Variants in LMO7 observed in about 807,000 individuals in gnomAD.
LMO7 encodes LIM domain only protein 7.
Under a neutral mutation model 206.5 loss-of-function variants are expected in LMO7, and 120 were observed. That is an observed-to-expected ratio of 0.58 (90% CI 0.50 to 0.68). The LOEUF is 0.68. Among genes scored for constraint, LMO7 ranks in the 30% least tolerant of loss-of-function variants. LMO7 has a pLI of 0.00. For synonymous variants in LMO7, 706 were observed against 681.5 expected, an observed-to-expected ratio of 1.04 and a Z score of -0.56; for missense variants, 1,959 against 1,957.9, an observed-to-expected ratio of 1.00 and a Z score of -0.01.
rs756173243 is a variant in LMO7 at position 75,823,819 on chromosome 13, G to A, written c.2895G>A (p.Met965Ile). The change falls in exon 15 of 31, where the codon ATG becomes ATA. Residue 965 changes from methionine to isoleucine, a missense_variant. Met to Ile is a conservative substitution (Grantham distance 10). Coordinates refer to ENST00000377534, the MANE Select transcript of LMO7 (RefSeq NM_001306080.2). ...TLSSTSGLDL[M>I]SESGEGEISP... is the part of the protein sequence containing the mutation. Reference sequence around the variant, plus strand: ...CTTCCACATCTGGTCTTGATTTAATGTCTGAATCTGGAGAAGGGGAAATCT... The same window carrying A: ...CTTCCACATCTGGTCTTGATTTAATATCTGAATCTGGAGAAGGGGAAATCT... 2.5e-6 allele frequency: 4 copies of A among 1,613,966 alleles called. No individual in the cohort carries two copies. Among genetic ancestry groups the A allele is most frequent in the Admixed American group, 3.3e-5 (2 of 60,002 alleles).
intron 30 of LMO7, 91 bp downstream of exon 30, chr13:75,856,699 C>A: frequency 1.3e-6 from 1 of 762,844 alleles, no homozygotes; most frequent in Admixed American, 1.8e-5. Context: ...GAGCTCCCCT[C>A]CAAGTTCACT....
At position 75,849,298 on chromosome 13, in the gene LMO7, A is replaced by G; in HGVS notation, c.4364+6A>G. The stretch of plus-strand genomic sequence containing the variant: ...CTTCCTGGGATCATGAGAAGGTGCG[A>G]GACATCTTAGGAATTGGTTTCTTGT... On this transcript the variant is annotated splice_donor_region_variant and intron_variant, in intron 27 of 30. Coordinates refer to ENST00000377534, the MANE Select transcript of LMO7 (RefSeq NM_001306080.2). 9.9e-6 allele frequency: 16 copies of G among 1,608,056 alleles called. No homozygotes were observed. The highest frequency in any genetic ancestry group is 1.4e-5 in the Non-Finnish European group (16 of 1,174,520).
upstream of LMO7, chr13:75,635,912 C>T (rs890091389): frequency 6.6e-6 from 1 of 152,290 alleles, no homozygotes; most frequent in Non-Finnish European, 1.5e-5. Flanking sequence ...GGGCCGCGCT[C>T]CCCAGCGGGG....
Position 75,807,946 on chromosome 13 carries a change from G to A in LMO7, c.1663G>A (p.Ala555Thr). 6.2e-7 allele frequency: 1 copy of A among 1,613,902 alleles called. No individual in the cohort carries two copies. Among genetic ancestry groups the A allele is most frequent in the Non-Finnish European group, 8.5e-7 (1 of 1,179,868 alleles). The change falls in exon 10 of 31, where the codon GCA becomes ACA. Residue 555 changes from alanine to threonine, a missense_variant. Physicochemically the swap from Ala to Thr is moderately conservative, Grantham distance 58. Coordinates refer to ENST00000377534, the MANE Select transcript of LMO7 (RefSeq NM_001306080.2). Reference protein sequence around the residue: ...EPWTLPPEIQAKFLCVLERTC... With the variant: ...EPWTLPPEIQTKFLCVLERTC... ...CTGGACTCTTCCTCCAGAAATTCAA[G>A]CAAAATTTCTCTGTGTACTTGAAAG... is the stretch of plus-strand genomic sequence containing the variant.
chr13:75,687,913 G>A (rs753034225), intron 1 of LMO7, among the ~76,000 whole-genome samples: 4 of 152,166 alleles, frequency 2.6e-5, no homozygotes, highest in Non-Finnish European at 5.9e-5. Flanking sequence ...ACGTGTTGTA[G>A]GAGGGACCTG....
intron 10 of LMO7, among the ~76,000 whole-genome samples, chr13:75,808,708 G>A (rs1470107929): frequency 5.3e-5 from 8 of 152,144 alleles, no homozygotes; most frequent in African/African-American, 1.7e-4. Flanking sequence ...CAGAGTAAAC[G>A]TTGATGTTAA....
At chr13:75,855,404 G>A in intron 29 of LMO7, 36 bp downstream of exon 29, 1 of 1,422,172 alleles carries the variant, frequency 7.0e-7, no homozygotes, top group Non-Finnish European at 9.9e-7. Context: ...GGCCTGCAAA[G>A]CTTTGCTTGG....
chr13:75,857,969 T>C lies in LMO7; in HGVS notation c.*26T>C, dbSNP rs370679657. 1 of 1,610,394 alleles carries C rather than the reference T, an allele frequency of 6.2e-7. No homozygotes were observed. Among genetic ancestry groups the C allele is most frequent in the Non-Finnish European group, 8.5e-7 (1 of 1,178,082 alleles). ...TGTAAGCCTCCATACGAAAGCACTGTTGCAGATAGAAGAAGAGGTGGTTGC... is the reference window on the plus strand; with the variant it reads ...TGTAAGCCTCCATACGAAAGCACTGCTGCAGATAGAAGAAGAGGTGGTTGC... On this transcript the variant is annotated 3_prime_UTR_variant, in exon 31 of 31. Coordinates refer to ENST00000377534, the MANE Select transcript of LMO7 (RefSeq NM_001306080.2).
chr13:75,722,223 C>T lies in LMO7; in HGVS notation c.141-4806C>T, dbSNP rs530817314. Among the ~76,000 whole-genome samples the T allele has an allele frequency of 3.9e-5, 6 of 152,284 alleles. No homozygotes were observed. The South Asian group carries it at 1.2e-3, about 32-fold the overall frequency. Reference sequence around the variant, plus strand: ...GATGGGACTTAATTAAATTAAAAAACTTCTGCACAGCAAAAGAAATAATCA... The same window carrying T: ...GATGGGACTTAATTAAATTAAAAAATTTCTGCACAGCAAAAGAAATAATCA... On this transcript the variant is annotated intron_variant, in intron 2 of 30. Coordinates refer to ENST00000377534, the MANE Select transcript of LMO7 (RefSeq NM_001306080.2).
At chr13:75,738,949 T>C (rs985439322) in intron 3 of LMO7, among the ~76,000 whole-genome samples, 9 of 152,230 alleles carry the variant, frequency 5.9e-5, no homozygotes, top group African/African-American at 2.2e-4. Flanking sequence ...GTTGACACTT[T>C]GGCCAGATAA....
intron 3 of LMO7, among the ~76,000 whole-genome samples, chr13:75,733,801 T>C (rs1409823019): frequency 6.6e-6 from 1 of 152,216 alleles, no homozygotes; most frequent in Non-Finnish European, 1.5e-5. Flanking sequence ...TAATTGCTTG[T>C]TTGTTTTGAT....
chr13:75,701,471 T>C (rs576612375), intron 1 of LMO7, among the ~76,000 whole-genome samples: 121 of 152,296 alleles, frequency 7.9e-4, no homozygotes, highest in African/African-American at 2.8e-3. Context: ...GGTAAGTAGG[T>C]AATTGTTGAG....
chr13:75,695,869 A>G (rs1356950219), intron 1 of LMO7, among the ~76,000 whole-genome samples: 1 of 152,234 alleles, frequency 6.6e-6, no homozygotes, highest in Non-Finnish European at 1.5e-5. Flanking sequence ...ACCAACTATT[A>G]CTTGATGATG....
intron 3 of LMO7, chr13:75,760,690 A>G (rs1423936479): frequency 1.3e-6 from 2 of 1,522,022 alleles, no homozygotes; most frequent in Non-Finnish European, 1.8e-6. Flanking sequence ...GCCAGTCACA[A>G]AGATCACAGA....
upstream of LMO7, among the ~76,000 whole-genome samples, chr13:75,633,263 C>T (rs999239499): frequency 1.3e-5 from 2 of 152,130 alleles, no homozygotes; most frequent in African/African-American, 4.8e-5. Context: ...AGAGTGCAGC[C>T]AAGAGGCAAA....
At chr13:75,717,668 C>T (rs983393352) in intron 2 of LMO7, among the ~76,000 whole-genome samples, 7 of 152,068 alleles carry the variant, frequency 4.6e-5, no homozygotes, top group African/African-American at 1.7e-4. Flanking sequence ...AGATAGAGAA[C>T]TTTGTCACTT....
chr13:75,827,747 T>C (rs2058261315), intron 15 of LMO7, among the ~76,000 whole-genome samples: 1 of 115,866 alleles, frequency 8.6e-6, no homozygotes, highest in Non-Finnish European at 2.1e-5. Context: ...TTCAGAGCTC[T>C]ATGTTTTTAA....
chr13:75,718,077 G>A (rs572406229), intron 2 of LMO7, among the ~76,000 whole-genome samples: 1 of 152,182 alleles, frequency 6.6e-6, no homozygotes, highest in Non-Finnish European at 1.5e-5. Context: ...ATTTTAATCT[G>A]TTTTCACTTA....
chr13:75,669,945 C>G (rs1468378131), intron 1 of LMO7, among the ~76,000 whole-genome samples: 1 of 152,136 alleles, frequency 6.6e-6, no homozygotes, highest in Admixed American at 6.5e-5. Context: ...GAGAACATCT[C>G]TGGTCCAAGG....
Sources: gnomAD v4.1 joint callset for allele counts (sites outside exome capture counted in the v4.1 genomes callset) on GRCh38, gnomAD v4.1.1 for gene constraint, MANE v1.5 for transcripts, NCBI Gene and HGNC (gene_info 2026-07-23, HGNC 2026-07-21) for gene names.